Variants in VPS33A observed in about 807,000 individuals in gnomAD.
VPS33A encodes VPS33A core subunit of CORVET and HOPS complexes, also known as vacuolar protein sorting-associated protein 33A.
A neutral mutation model predicts 71.8 loss-of-function variants in VPS33A; 32 were observed. That is an observed-to-expected ratio of 0.45 (90% CI 0.34 to 0.60). The LOEUF (loss-of-function observed/expected upper bound fraction) is 0.60, where lower values mean the gene tolerates loss of function less well. Among genes scored for constraint, VPS33A ranks in the 20% least tolerant of loss-of-function variants. The pLI, the probability that VPS33A is intolerant of heterozygous loss-of-function variation, is 0.02. For synonymous variants in VPS33A, 311 were observed against 292.7 expected, an observed-to-expected ratio of 1.06 and a Z score of -0.64; for missense variants, 625 against 748.5, an observed-to-expected ratio of 0.84 and a Z score of 1.92.
At chr12:122,235,383 G>GC (rs1010415611) in intron 11 of VPS33A, among the ~76,000 whole-genome samples, 1 of 151,344 alleles carries the variant, frequency 6.6e-6, no homozygotes, top group African/African-American at 2.4e-5. Context: ...TCCTGCCTCA[G>GC]CCCCCCAAGT....
At chr12:122,233,945 G>A (rs980401228) in intron 11 of VPS33A, among the ~76,000 whole-genome samples, 15 of 152,042 alleles carry the variant, frequency 9.9e-5, no homozygotes, top group Admixed American at 3.3e-4. Flanking sequence ...TTTTCCCACC[G>A]GGAAAAAATC....
At chr12:122,246,839 T>C (rs1954783892) in intron 6 of VPS33A, among the ~76,000 whole-genome samples, 1 of 152,102 alleles carries the variant, frequency 6.6e-6, no homozygotes, top group African/African-American at 2.4e-5. Context: ...TGACCTCAGG[T>C]GATTGGCCCG....
At chr12:122,265,998 T>C (rs945623713) in intron 1 of VPS33A, among the ~76,000 whole-genome samples, 1 of 152,184 alleles carries the variant, frequency 6.6e-6, no homozygotes. Flanking sequence ...CGCTCACCCG[T>C]CCGGTGCCTC....
chr12:122,233,588 T>C (rs1003645256), intron 11 of VPS33A, among the ~76,000 whole-genome samples: 8 of 152,172 alleles, frequency 5.3e-5, no homozygotes, highest in African/African-American at 1.9e-4. Context: ...GCAATAACCT[T>C]TGAACTTAGC....
chr12:122,258,007 T>G (rs113706430), intron 4 of VPS33A, among the ~76,000 whole-genome samples: 1 of 152,242 alleles, frequency 6.6e-6, no homozygotes, highest in East Asian at 1.9e-4. Flanking sequence ...CAAATAGATA[T>G]CCATGTGTAA....
At chr12:122,252,297 C>A (rs1954855885) in intron 4 of VPS33A, among the ~76,000 whole-genome samples, 1 of 151,196 alleles carries the variant, frequency 6.6e-6, no homozygotes, top group South Asian at 2.1e-4. Context: ...GAGATGGAGT[C>A]TCGCTCTGTC....
rs558515781 is a variant in VPS33A, at chr12:122,230,527, G to A, written c.*1719C>T. 2 of 152,386 alleles carry A rather than the reference G, an allele frequency of 1.3e-5. No homozygotes were observed. The highest frequency in any genetic ancestry group is 2.1e-4 in the South Asian group (1 of 4,832). 9.4% of individuals were successfully genotyped at this position (152,386 alleles called of 1,614,324 possible). ...ACCCGGGAAGTGGAGGTTGCAGTGAGCTGACATCGCACCACTGCACTCCAG... is the reference window on the plus strand; with the variant it reads ...ACCCGGGAAGTGGAGGTTGCAGTGAACTGACATCGCACCACTGCACTCCAG... On this transcript the variant is annotated 3_prime_UTR_variant, in exon 13 of 13. Coordinates refer to ENST00000267199, the MANE Select transcript of VPS33A (RefSeq NM_022916.6).
At chr12:122,265,511 C>T in intron 1 of VPS33A, 1 of 228,172 alleles carries the variant, frequency 4.4e-6, no homozygotes, top group South Asian at 5.8e-5. Flanking sequence ...ATATTACAAC[C>T]AGGATACTGA....
chr12:122,255,998 G>A (rs938468734), intron 4 of VPS33A, among the ~76,000 whole-genome samples: 3 of 152,018 alleles, frequency 2.0e-5, no homozygotes, highest in African/African-American at 7.3e-5. Context: ...GCCTCACTCT[G>A]TTGCCCAGGC....
At chr12:122,248,464 A>G (rs1954804577) in intron 6 of VPS33A, 1 of 152,184 alleles carries the variant, frequency 6.6e-6, no homozygotes, top group African/African-American at 2.4e-5. Flanking sequence ...AAAATGTATC[A>G]CATTCTAAAG....
At chr12:122,239,157 A>G (rs1237116661) in intron 9 of VPS33A, among the ~76,000 whole-genome samples, 1 of 152,206 alleles carries the variant, frequency 6.6e-6, no homozygotes, top group Non-Finnish European at 1.5e-5. Context: ...CTCCATTTCA[A>G]TAGTATCAAC....
Position 122,259,318 on chromosome 12 carries a change from C to G in VPS33A, c.483+1943G>C, listed in dbSNP as rs376219858. On this transcript the variant is annotated intron_variant, in intron 4 of 12. Transcript: ENST00000267199. ...CACTGTAACCTCCACCTCCCAGGTT[C>G]AAGCAATTCTCCCGCCTCAGCCTCC... Among the ~76,000 whole-genome samples, 5 of 152,186 alleles carry G rather than the reference C, an allele frequency of 3.3e-5. No homozygotes were observed. In the South Asian group the frequency reaches 8.3e-4, roughly 25 times the overall value.
chr12:122,249,973 CA>C lies in VPS33A; in HGVS notation c.672del (p.Phe224LeufsTer14). Reference sequence around the variant, plus strand: ...TTCCGATCAAGCAACAAGAGATTATCAAAAACAGGAAATATTGAATTCTGGC... The same window carrying C: ...TTCCGATCAAGCAACAAGAGATTATCAAAACAGGAAATATTGAATTCTGGC... ...TGSQNSIFPV[F>X]DNLLLLDRNV... On this transcript the variant is annotated frameshift_variant, in exon 6 of 13. Transcript: ENST00000267199. LOFTEE classifies it high-confidence loss of function. 1 of 1,613,986 alleles carries C rather than the reference CA, an allele frequency of 6.2e-7. No individual in the cohort carries two copies. The highest frequency in any genetic ancestry group is 8.5e-7 in the Non-Finnish European group (1 of 1,179,946).
intron 4 of VPS33A, among the ~76,000 whole-genome samples, chr12:122,255,707 CAAAAAAAAAAAAAAA>C (rs71082953): frequency 4.8e-4 from 17 of 35,494 alleles, no homozygotes; most frequent in African/African-American, 2.2e-3. Flanking sequence ...GACTCCGTCT[CAAAAAAAAAAAAAAA>C]AAAAAAAAAA....
At chr12:122,263,050 T>C (rs1274058893) in intron 3 of VPS33A, among the ~76,000 whole-genome samples, 2 of 149,970 alleles carry the variant, frequency 1.3e-5, no homozygotes, top group East Asian at 3.9e-4. Flanking sequence ...TGGAGTGCAG[T>C]GGCGCGATCT....
In VPS33A at chr12:122,231,668, T is replaced by G. The variant is rs1434768277; in HGVS notation, c.*578A>C. 6.5e-6 allele frequency: 1 copy of G among 154,160 alleles called. No homozygotes were observed. The highest frequency in any genetic ancestry group is 2.4e-5 in the African/African-American group (1 of 41,594). 9.5% of individuals were successfully genotyped at this position (154,160 alleles called of 1,614,324 possible). ...TTATCTACCCCCACCATCCTTAATGTATTTCCAGAGGTCTCTAATGAAGAC... is the reference window on the plus strand; with the variant it reads ...TTATCTACCCCCACCATCCTTAATGGATTTCCAGAGGTCTCTAATGAAGAC... On this transcript the variant is annotated 3_prime_UTR_variant, in exon 13 of 13. Transcript: ENST00000267199.
intron 1 of VPS33A, among the ~76,000 whole-genome samples, chr12:122,265,194 C>T (rs1407669323): frequency 6.6e-6 from 1 of 152,012 alleles, no homozygotes; most frequent in Non-Finnish European, 1.5e-5. Flanking sequence ...ACTGGGATTA[C>T]ACCGCACTTC....
intron 2 of VPS33A, 106 bp from the exon 3 acceptor site, chr12:122,263,805 TA>T: frequency 1.5e-6 from 2 of 1,336,136 alleles, no homozygotes; most frequent in Non-Finnish European, 1.0e-6. Flanking sequence ...ATTAATATTT[TA>T]ATATCAAAAT....
intron 4 of VPS33A, among the ~76,000 whole-genome samples, chr12:122,252,428 C>G (rs1197469103): frequency 6.6e-6 from 1 of 152,104 alleles, no homozygotes; most frequent in Non-Finnish European, 1.5e-5. Flanking sequence ...GCCACCACGC[C>G]TGGCTAATTT....
Sources: allele counts gnomAD v4.1 joint callset (sites outside exome capture counted in the v4.1 genomes callset), GRCh38; gene constraint gnomAD v4.1.1; transcripts MANE v1.5; gene names NCBI Gene and HGNC (gene_info 2026-07-23, HGNC 2026-07-21).